Variants in FAF1 observed in about 807,000 individuals in gnomAD.
The protein encoded by FAF1 is Fas associated factor 1, also known as FAS-associated factor 1.
In FAF1, 25 loss-of-function variants were observed where a neutral mutation model predicts 92.5. The observed-to-expected ratio is 0.27, with a 90% CI of 0.20 to 0.38. The LOEUF (loss-of-function observed/expected upper bound fraction) is 0.38. Among genes scored for constraint, FAF1 ranks in the 10% least tolerant of loss-of-function variants. The pLI is 1.00. For synonymous variants in FAF1, 234 were observed against 273.2 expected (o/e 0.86, Z 1.42); for missense variants, 636 against 793.3 (o/e 0.80, Z 2.38).
At chr1:50,581,229 TA>T (rs1383855667) in intron 12 of FAF1, among the ~76,000 whole-genome samples, 1 of 152,230 alleles carries the variant, frequency 6.6e-6, no homozygotes, top group Non-Finnish European at 1.5e-5. Flanking sequence ...ATTCTTAGGG[TA>T]AAGAAGTTTC....
rs112981353 is a variant in FAF1 at position 50,474,407 on chromosome 1, G to T, written c.1869+1057C>A. On this transcript the variant is annotated intron_variant, in intron 18 of 18. Coordinates refer to ENST00000396153, the MANE Select transcript of FAF1 (RefSeq NM_007051.3). ...CTAAAGACTATTTCAGGGGTAGTTT[G>T]TTTTTTTTTTAAATTTTTTATTTCC... 6.3e-3 allele frequency among the ~76,000 whole-genome samples: 937 copies of T among 148,896 alleles called. 7 individuals are homozygous for T. Among genetic ancestry groups the T allele is most frequent in the Non-Finnish European group, 9.9e-3 (665 of 66,922 alleles).
chr1:50,681,024 GAATAAT>G (rs151079216), intron 7 of FAF1, among the ~76,000 whole-genome samples: 26 of 150,806 alleles, frequency 1.7e-4, no homozygotes, highest in Middle Eastern at 3.4e-3. Flanking sequence ...ACTACATTCA[GAATAAT>G]AATAATAATA....
intron 14 of FAF1, among the ~76,000 whole-genome samples, 192 bp downstream of exon 14, chr1:50,539,400 T>A (rs1022366147): frequency 1.3e-5 from 2 of 152,248 alleles, no homozygotes; most frequent in Non-Finnish European, 2.9e-5. Context: ...TTTATTAAGA[T>A]GTTTCTTTTA....
intron 8 of FAF1, among the ~76,000 whole-genome samples, chr1:50,604,468 A>C (rs992055142): frequency 2.0e-5 from 3 of 152,128 alleles, no homozygotes; most frequent in Non-Finnish European, 4.4e-5. Context: ...TGATAGCACA[A>C]GCATGTTCTC....
intron 1 of FAF1, among the ~76,000 whole-genome samples, chr1:50,893,308 G>T (rs1234972198): frequency 1.3e-5 from 2 of 152,108 alleles, no homozygotes; most frequent in Non-Finnish European, 2.9e-5. Context: ...TGCATTCAGG[G>T]CTTCTTTGTA....
At chr1:50,588,807 C>T (rs998443118) in intron 9 of FAF1, among the ~76,000 whole-genome samples, 2 of 152,220 alleles carry the variant, frequency 1.3e-5, no homozygotes, top group Admixed American at 6.5e-5. Flanking sequence ...AGGCCAGAGC[C>T]AGTGAAATGC....
chr1:50,799,135 T>C (rs1032158890), intron 3 of FAF1, among the ~76,000 whole-genome samples: 11 of 152,158 alleles, frequency 7.2e-5, no homozygotes, highest in East Asian at 1.9e-4. Context: ...TCTTAAAAGT[T>C]TGGAAATACC....
intron 2 of FAF1, among the ~76,000 whole-genome samples, chr1:50,851,229 C>T (rs1441249470): frequency 2.0e-5 from 3 of 152,028 alleles, no homozygotes; most frequent in Non-Finnish European, 4.4e-5. Context: ...CACAGGCATG[C>T]GCCACCAAGC....
At chr1:50,836,279 TC>T (rs780223938) in intron 2 of FAF1, among the ~76,000 whole-genome samples, 13 of 150,058 alleles carry the variant, frequency 8.7e-5, no homozygotes, top group Non-Finnish European at 1.9e-4. Context: ...CAGGCAATCC[TC>T]CCACCTCAGC....
chr1:50,468,449 C>T (rs185394232), intron 18 of FAF1, among the ~76,000 whole-genome samples: 3,484 of 148,518 alleles, frequency 0.023, 160 homozygotes, highest in African/African-American at 0.084. Context: ...CACGCCACTA[C>T]ACTTGGCTAA....
chr1:50,718,818 A>G (rs1393472316), intron 6 of FAF1, among the ~76,000 whole-genome samples: 1 of 152,116 alleles, frequency 6.6e-6, no homozygotes, highest in African/African-American at 2.4e-5. Context: ...GTGATCTACA[A>G]TATTATTTTT....
intron 1 of FAF1, among the ~76,000 whole-genome samples, chr1:50,950,520 C>T (rs537221466): frequency 2.6e-5 from 4 of 152,334 alleles, no homozygotes; most frequent in South Asian, 4.1e-4. Context: ...GGTAAATGAA[C>T]GGGTATGGCT....
At chr1:50,795,476 A>G (rs1369420285) in intron 3 of FAF1, among the ~76,000 whole-genome samples, 2 of 152,206 alleles carry the variant, frequency 1.3e-5, no homozygotes. Context: ...ACCTAGGAGC[A>G]GCTAGCTTGG....
chr1:50,496,823 A>G (rs1646904341), intron 15 of FAF1, among the ~76,000 whole-genome samples: 1 of 151,254 alleles, frequency 6.6e-6, no homozygotes, highest in African/African-American at 2.4e-5. Context: ...TGGGAGGAAG[A>G]GGTTGCAGTG....
chr1:50,586,867 T>G (rs1651259425), intron 9 of FAF1, among the ~76,000 whole-genome samples: 1 of 152,204 alleles, frequency 6.6e-6, no homozygotes, highest in African/African-American at 2.4e-5. Flanking sequence ...CTTAAATAGG[T>G]AAAGGCTCAA....
intron 7 of FAF1, among the ~76,000 whole-genome samples, chr1:50,660,761 GAATTA>G (rs1340761963): frequency 6.6e-6 from 1 of 152,088 alleles, no homozygotes; most frequent in African/African-American, 2.4e-5. Context: ...CAAAGTGCTG[GAATTA>G]CAGGCGAGCT....
intron 17 of FAF1, among the ~76,000 whole-genome samples, chr1:50,484,055 C>T (rs56298082): frequency 0.12 from 18,987 of 151,970 alleles, 1,517 homozygotes; most frequent in African/African-American, 0.22. Context: ...GGGAGTCAAA[C>T]GTATAGACAA....
chr1:50,571,893 G>A (rs1650461363), intron 12 of FAF1, among the ~76,000 whole-genome samples: 1 of 152,154 alleles, frequency 6.6e-6, no homozygotes, highest in South Asian at 2.1e-4. Flanking sequence ...AAAAGAAAGG[G>A]TTGTATTTTG....
chr1:50,641,836 T>A (rs143830735), intron 8 of FAF1, among the ~76,000 whole-genome samples: 151 of 152,322 alleles, frequency 9.9e-4, no homozygotes, highest in African/African-American at 3.5e-3. Flanking sequence ...ACATACACAT[T>A]TAGGATCATT....
Sources: allele counts gnomAD v4.1 joint callset (sites outside exome capture counted in the v4.1 genomes callset), GRCh38; gene constraint gnomAD v4.1.1; transcripts MANE v1.5; gene names NCBI Gene and HGNC (gene_info 2026-07-23, HGNC 2026-07-21).